Variants in BBOX1 observed in about 807,000 individuals in gnomAD.
BBOX1 encodes gamma-butyrobetaine hydroxylase 1, also known as gamma-butyrobetaine dioxygenase.
Under a neutral mutation model 41.6 loss-of-function variants are expected in BBOX1, and 35 were observed. The ratio of observed to expected loss-of-function variants is 0.84; its 90% confidence interval spans 0.64 to 1.11. The LOEUF is 1.11. BBOX1 is among the 50% of genes most tolerant of loss of function. BBOX1 has a pLI of 0.00. For synonymous variants in BBOX1, 163 were observed against 154.7 expected, an observed-to-expected ratio of 1.05 and a Z score of -0.40; for missense variants, 458 against 460.6, an observed-to-expected ratio of 0.99 and a Z score of 0.05.
intron 5 of BBOX1, among the ~76,000 whole-genome samples, chr11:27,114,077 A>G (rs2134091924): frequency 6.6e-6 from 1 of 152,014 alleles, no homozygotes; most frequent in African/African-American, 2.4e-5. Flanking sequence ...GCAAGATCAA[A>G]CACAAAAATT....
intron 5 of BBOX1, among the ~76,000 whole-genome samples, chr11:27,114,739 A>C (rs926651004): frequency 6.6e-6 from 1 of 151,900 alleles, no homozygotes; most frequent in African/African-American, 2.4e-5. Flanking sequence ...TCATATGCAA[A>C]AATTAATTCA....
At chr11:27,070,671 T>C (rs1053154552) in intron 4 of BBOX1, among the ~76,000 whole-genome samples, 3 of 151,382 alleles carry the variant, frequency 2.0e-5, no homozygotes, top group Non-Finnish European at 4.4e-5. Context: ...GTTAGGTGAG[T>C]CTCTTGAAGA....
At chr11:27,075,898 C>A (rs1715441129) in intron 4 of BBOX1, among the ~76,000 whole-genome samples, 1 of 152,172 alleles carries the variant, frequency 6.6e-6, no homozygotes, top group Non-Finnish European at 1.5e-5. Context: ...CTCCAGGACC[C>A]TTTGTGAGCA....
chr11:27,047,374 A>C (rs1290234176), intron 2 of BBOX1: 1 of 152,222 alleles, frequency 6.6e-6, no homozygotes, highest in Non-Finnish European at 1.5e-5. Flanking sequence ...TCTGAAATGT[A>C]ATTAATGTTT....
chr11:27,083,919 C>T (rs1857940657), intron 4 of BBOX1, among the ~76,000 whole-genome samples: 1 of 152,100 alleles, frequency 6.6e-6, no homozygotes, highest in Non-Finnish European at 1.5e-5. Context: ...GCACCCTTAG[C>T]AGTTGCAGGA....
At chr11:27,104,219 C>T (rs747121761) in intron 5 of BBOX1, among the ~76,000 whole-genome samples, 14 of 152,206 alleles carry the variant, frequency 9.2e-5, no homozygotes, top group Non-Finnish European at 1.9e-4. Flanking sequence ...GAAGTTTAAC[C>T]GCCATTCTCA....
intron 5 of BBOX1, among the ~76,000 whole-genome samples, chr11:27,098,377 C>A (rs1291939689): frequency 6.6e-6 from 1 of 151,988 alleles, no homozygotes; most frequent in African/African-American, 2.4e-5. Context: ...CTCAAATGAA[C>A]GAGTTTTGCA....
intron 5 of BBOX1, among the ~76,000 whole-genome samples, chr11:27,114,062 A>G (rs1411444547): frequency 1.3e-5 from 2 of 151,918 alleles, no homozygotes; most frequent in African/African-American, 2.4e-5. Flanking sequence ...AGCAAGTTGC[A>G]GGGTGCAAGA....
intron 4 of BBOX1, among the ~76,000 whole-genome samples, chr11:27,077,965 CA>C (rs1297052626): frequency 1.3e-5 from 2 of 152,102 alleles, no homozygotes; most frequent in East Asian, 3.9e-4. Flanking sequence ...TCCCCTTGCT[CA>C]TGTGTCTCAT....
At chr11:27,085,134 A>G (rs962428040) in intron 4 of BBOX1, among the ~76,000 whole-genome samples, 11 of 152,176 alleles carry the variant, frequency 7.2e-5, no homozygotes, top group Non-Finnish European at 2.9e-5. Flanking sequence ...CAACACATAC[A>G]AAGTTAAAAT....
At chr11:27,043,459 C>CAGAATGTGCAGGTGTGGGGTACAT (rs1564948369) in intron 2 of BBOX1, among the ~76,000 whole-genome samples, 3 of 151,304 alleles carry the variant, frequency 2.0e-5, no homozygotes, top group South Asian at 2.1e-4. Flanking sequence ...TTGGGGTACA[C>CAGAATGTGCAGGTGTGGGGTACAT]GTGCAGAATG....
intron 4 of BBOX1, among the ~76,000 whole-genome samples, chr11:27,061,714 C>G (rs1857138313): frequency 6.6e-6 from 1 of 152,282 alleles, no homozygotes; most frequent in East Asian, 1.9e-4. Context: ...GATCTTCCCC[C>G]TGGCACTCGC....
intron 2 of BBOX1, among the ~76,000 whole-genome samples, chr11:27,053,561 CT>C (rs1344990385): frequency 4.6e-5 from 7 of 151,960 alleles, no homozygotes; most frequent in African/African-American, 1.2e-4. Flanking sequence ...TACTACATTT[CT>C]TTTTTTTAGT....
In BBOX1 at chr11:27,041,286, C is replaced by G. The variant is rs7358458; in HGVS notation, c.-231C>G. 2 of 151,530 alleles carry G rather than the reference C, an allele frequency of 1.3e-5. No individual in the cohort carries two copies. The highest frequency in any genetic ancestry group is 4.9e-5 in the African/African-American group (2 of 41,160). The allele number at this position is 151,530 out of a possible 1,614,324, so 9.4% of individuals were successfully genotyped here. On this transcript the variant is annotated 5_prime_UTR_variant, in exon 2 of 9. Coordinates refer to ENST00000263182, the MANE Select transcript of BBOX1 (RefSeq NM_003986.3). ...TGCTACACCTTCAGATTGAGACATC[C>G]TTCCTCATTTACAAACCTCAGCTGT...
chr11:27,111,968 A>G (rs1859083697), intron 5 of BBOX1, among the ~76,000 whole-genome samples: 1 of 151,972 alleles, frequency 6.6e-6, no homozygotes, highest in Admixed American at 6.6e-5. Flanking sequence ...AACATCAAAA[A>G]AGAAAGACAG....
chr11:27,054,244 T>C (rs998389640), intron 2 of BBOX1, among the ~76,000 whole-genome samples: 3 of 149,566 alleles, frequency 2.0e-5, no homozygotes, highest in Non-Finnish European at 4.5e-5. Flanking sequence ...TGCGTGCACA[T>C]GTGTACATGC....
chr11:27,067,896 G>A (rs962574504), intron 4 of BBOX1, among the ~76,000 whole-genome samples: 1 of 152,034 alleles, frequency 6.6e-6, no homozygotes. Context: ...TCAAGTTGCT[G>A]CAAAAGACAT....
At chr11:27,045,441 C>A (rs956967849) in intron 2 of BBOX1, among the ~76,000 whole-genome samples, 13 of 152,150 alleles carry the variant, frequency 8.5e-5, no homozygotes, top group African/African-American at 2.9e-4. Flanking sequence ...TGACTGATCA[C>A]CCTGGCCAGA....
chr11:27,117,480 G>A (rs190839502), intron 6 of BBOX1, among the ~76,000 whole-genome samples: 30 of 152,030 alleles, frequency 2.0e-4, no homozygotes, highest in Admixed American at 5.3e-4. Context: ...CACCCAGTGT[G>A]ATTTTATTCT....
Sources: gnomAD v4.1 joint callset for allele counts (sites outside exome capture counted in the v4.1 genomes callset) on GRCh38, gnomAD v4.1.1 for gene constraint, MANE v1.5 for transcripts, NCBI Gene and HGNC (gene_info 2026-07-23, HGNC 2026-07-21) for gene names.